KCNH1: variants seen among roughly 807,000 people sequenced by gnomAD.
KCNH1 encodes potassium voltage-gated channel subfamily H member 1.
KCNH1 carries 27 observed loss-of-function variants against 69.2 expected under a neutral mutation model. The observed-to-expected ratio is 0.39, with a 90% CI of 0.29 to 0.54. KCNH1 has a LOEUF of 0.54. Among genes scored for constraint, KCNH1 ranks in the 20% least tolerant of loss-of-function variants. The probability of loss-of-function intolerance (pLI) is 0.68; values close to 1 mark genes in which losing one functional copy is unlikely to be tolerated. For missense variants in KCNH1, 798 were observed against 1,261.6 expected (o/e 0.63, Z 5.57); for synonymous variants, 456 against 487.7 (o/e 0.93, Z 0.86).
chr1:210,701,554 G>A (rs1681781441), intron 10 of KCNH1, among the ~76,000 whole-genome samples: 1 of 152,134 alleles, frequency 6.6e-6, no homozygotes, highest in Admixed American at 6.5e-5. Context: ...TTATTTATTA[G>A]CAATGCTTGG....
chr1:211,024,795 G>A (rs1271241669), intron 5 of KCNH1, among the ~76,000 whole-genome samples: 4 of 151,804 alleles, frequency 2.6e-5, no homozygotes, highest in Admixed American at 1.3e-4. Flanking sequence ...CTTGCTGATG[G>A]TGAGAAAGAA....
At chr1:210,828,432 C>A (rs1292972937) in intron 7 of KCNH1, among the ~76,000 whole-genome samples, 1 of 152,102 alleles carries the variant, frequency 6.6e-6, no homozygotes, top group African/African-American at 2.4e-5. Flanking sequence ...CCTGAACGTT[C>A]CCATAGTAAC....
chr1:210,718,583 AAAATACCAAGTCT>A (rs1682358234), intron 10 of KCNH1, among the ~76,000 whole-genome samples: 2 of 129,158 alleles, frequency 1.5e-5, no homozygotes, highest in African/African-American at 2.9e-5. Context: ...TTATATATAT[AAAATACCAAGTCT>A]TATATAAATA....
chr1:210,736,549 C>G (rs771396531), intron 10 of KCNH1, among the ~76,000 whole-genome samples: 3 of 151,554 alleles, frequency 2.0e-5, no homozygotes, highest in Non-Finnish European at 2.9e-5. Flanking sequence ...ATCCCCCCTC[C>G]AAAAAAAAAT....
At chr1:210,907,358 A>G (rs1490642685) in intron 7 of KCNH1, among the ~76,000 whole-genome samples, 1 of 152,162 alleles carries the variant, frequency 6.6e-6, no homozygotes, top group Non-Finnish European at 1.5e-5. Flanking sequence ...AAAGCAAAAG[A>G]TGGTAGAAAT....
At chr1:210,988,325 A>G (rs1367106245) in intron 6 of KCNH1, among the ~76,000 whole-genome samples, 1 of 151,984 alleles carries the variant, frequency 6.6e-6, no homozygotes. Context: ...AGTGAGATGA[A>G]CCCGGTACCT....
At chr1:211,034,440 TG>T (rs34756663) in intron 5 of KCNH1, among the ~76,000 whole-genome samples, 14,794 of 150,840 alleles carry the variant, frequency 0.098, 900 homozygotes, top group East Asian at 0.25. Flanking sequence ...AGGAAGGGGG[TG>T]GGGGGTGCCC....
chr1:210,874,920 T>G (rs951464888), intron 7 of KCNH1, among the ~76,000 whole-genome samples: 1 of 152,064 alleles, frequency 6.6e-6, no homozygotes, highest in Non-Finnish European at 1.5e-5. Flanking sequence ...AATGGTGGAT[T>G]AAAGGGGTAA....
At chr1:210,816,031 A>C (rs1288139034) in intron 7 of KCNH1, among the ~76,000 whole-genome samples, 2 of 151,902 alleles carry the variant, frequency 1.3e-5, no homozygotes, top group Non-Finnish European at 2.9e-5. Context: ...ACCAGATCTC[A>C]CTCTTGTTAA....
chr1:210,946,302 G>A (rs1445047300), intron 6 of KCNH1, among the ~76,000 whole-genome samples: 1 of 152,116 alleles, frequency 6.6e-6, no homozygotes, highest in African/African-American at 2.4e-5. Flanking sequence ...CCCAGTCAAT[G>A]TCCTGGAAGC....
intron 7 of KCNH1, among the ~76,000 whole-genome samples, chr1:210,873,960 G>A (rs1049835263): frequency 6.6e-6 from 1 of 152,146 alleles, no homozygotes; most frequent in Admixed American, 6.6e-5. Context: ...TCAAGTTTGA[G>A]TCACTGGTCT....
intron 6 of KCNH1, among the ~76,000 whole-genome samples, chr1:210,933,466 A>G (rs1687717794): frequency 6.6e-6 from 1 of 152,078 alleles, no homozygotes; most frequent in Non-Finnish European, 1.5e-5. Flanking sequence ...ATACATATGT[A>G]ACTAACCTGC....
chr1:210,825,473 G>A (rs1270593715), intron 7 of KCNH1, among the ~76,000 whole-genome samples: 1 of 152,180 alleles, frequency 6.6e-6, no homozygotes, highest in African/African-American at 2.4e-5. Flanking sequence ...CTTAATTCAT[G>A]CTCAGGTGTC....
At chr1:210,957,342 T>C (rs760843207) in intron 6 of KCNH1, among the ~76,000 whole-genome samples, 8 of 152,206 alleles carry the variant, frequency 5.3e-5, no homozygotes, top group Non-Finnish European at 8.8e-5. Flanking sequence ...AATTATGTTG[T>C]CAATTGTAGA....
intron 7 of KCNH1, among the ~76,000 whole-genome samples, chr1:210,821,332 T>C (rs1448697856): frequency 6.6e-6 from 1 of 152,170 alleles, no homozygotes; most frequent in Admixed American, 6.6e-5. Context: ...TTAGACCAAC[T>C]TTCAGTTGGT....
chr1:210,811,697 T>C (rs1473868137), intron 7 of KCNH1, among the ~76,000 whole-genome samples: 5 of 152,076 alleles, frequency 3.3e-5, no homozygotes, highest in Non-Finnish European at 7.4e-5. Context: ...ATGTGCCCCA[T>C]ATGAAAGTGA....
chr1:211,046,666 C>T (rs540543162), intron 5 of KCNH1, among the ~76,000 whole-genome samples: 35 of 152,282 alleles, frequency 2.3e-4, no homozygotes, highest in Admixed American at 3.9e-4. Flanking sequence ...CTCCAGGGTC[C>T]ATGCTTTAAA....
chr1:210,792,795 A>ATCACAG (rs1684235090), intron 9 of KCNH1, among the ~76,000 whole-genome samples: 1 of 152,194 alleles, frequency 6.6e-6, no homozygotes, highest in Non-Finnish European at 1.5e-5. Context: ...GGGACACTAA[A>ATCACAG]TCACAGTGAA....
chr1:211,123,775 G>A (rs895395810), intron 1 of KCNH1, among the ~76,000 whole-genome samples: 4 of 152,066 alleles, frequency 2.6e-5, no homozygotes, highest in Admixed American at 6.6e-5. Context: ...AGAGTGAGCC[G>A]CGGGAGTGAA....
Sources: allele counts gnomAD v4.1 joint callset (sites outside exome capture counted in the v4.1 genomes callset), GRCh38; gene constraint gnomAD v4.1.1; transcripts MANE v1.5; gene names NCBI Gene and HGNC (gene_info 2026-07-23, HGNC 2026-07-21).